The following SRR variants were observed in gnomAD, a reference collection of about 807,000 sequenced individuals.
The protein encoded by SRR is serine racemase.
Under a neutral mutation model 32.7 loss-of-function variants are expected in SRR, and 19 were observed. The observed-to-expected ratio is 0.58, with a 90% CI of 0.40 to 0.85. The LOEUF (loss-of-function observed/expected upper bound fraction) is 0.85. Among genes scored for constraint, SRR ranks in the 40% least tolerant of loss-of-function variants. The pLI is 0.00. For synonymous variants in SRR, 142 were observed against 140.9 expected (o/e 1.01, Z -0.06); for missense variants, 373 against 404.7 (o/e 0.92, Z 0.67).
At chr17:2,309,464 A>G (rs1490454269) in intron 1 of SRR, among the ~76,000 whole-genome samples, 1 of 151,390 alleles carries the variant, frequency 6.6e-6, no homozygotes, top group South Asian at 2.1e-4. Flanking sequence ...TTATTTTGCT[A>G]TTTTCCCCTC....
chr17:2,324,792 T>C lies in SRR; in HGVS notation c.*919T>C, dbSNP rs2075565197. On this transcript the variant is annotated 3_prime_UTR_variant, in exon 8 of 8. Transcript: ENST00000344595. ...TGATGACCATTCTGTCTGGATCTACTGACATAAGATGGCCTGTAGCAATGA... is the reference window on the plus strand; with the variant it reads ...TGATGACCATTCTGTCTGGATCTACCGACATAAGATGGCCTGTAGCAATGA... 4.3e-6 allele frequency: 7 copies of C among 1,614,108 alleles called. No individual in the cohort carries two copies. The highest frequency in any genetic ancestry group is 5.9e-6 in the Non-Finnish European group (7 of 1,180,012).
In SRR at chr17:2,317,855, A is replaced by G. The variant is rs762602158; in HGVS notation, c.169-15A>G. The G allele has an allele frequency of 1.2e-6, 2 of 1,607,518 alleles. No individual in the cohort carries two copies. Among genetic ancestry groups the G allele is most frequent in the Non-Finnish European group, 1.7e-6 (2 of 1,177,012 alleles). ...TTTTAATCAAATATGTGAATTCACC[A>G]TCCCTCTTTTTCAGATTCGTGGTGC... On this transcript the variant is annotated splice_polypyrimidine_tract_variant and intron_variant, in intron 2 of 7. Coordinates refer to ENST00000344595, the MANE Select transcript of SRR (RefSeq NM_021947.3).
chr17:2,317,202 CG>C (rs541008061), intron 2 of SRR, among the ~76,000 whole-genome samples: 2,904 of 82,392 alleles, frequency 0.035, 161 homozygotes, highest in South Asian at 0.15. Context: ...GACTCCATCT[CG>C]GGGGAAAAAA....
chr17:2,318,937 G>C lies in SRR; in HGVS notation c.399+8G>C, dbSNP rs1404530835. ...TGTGAACCTAGTGATGAGGTAAGGA[G>C]AGCAGTGCTTGGTACCACCTTAACA... On this transcript the variant is annotated splice_region_variant and intron_variant, in intron 4 of 7. Coordinates refer to ENST00000344595, the MANE Select transcript of SRR (RefSeq NM_021947.3). 4 of 1,589,368 alleles carry C rather than the reference G, an allele frequency of 2.5e-6. No homozygotes were observed. Among genetic ancestry groups the C allele is most frequent in the Non-Finnish European group, 3.5e-6 (4 of 1,157,720 alleles).
chr17:2,323,041 A>C, intron 6 of SRR, 95 bp from the exon 7 acceptor site: 8 of 1,289,992 alleles, frequency 6.2e-6, no homozygotes, highest in Non-Finnish European at 8.9e-6. Flanking sequence ...TTGGGATTAC[A>C]GGTGTGAGCC....
At position 2,325,005 on chromosome 17, in the gene SRR, G is replaced by C. The variant is rs1323113644; in HGVS notation, c.*1132G>C. ...CACTTAACCTTGTCAATAGGTTCTT[G>C]AAAACTTGTACTTCAAGAGAAATGA... On this transcript the variant is annotated 3_prime_UTR_variant, in exon 8 of 8. Transcript: ENST00000344595. The C allele has an allele frequency of 4.5e-6, 3 of 671,992 alleles. No individual in the cohort carries two copies. The highest frequency in any genetic ancestry group is 3.4e-5 in the Admixed American group (1 of 29,194). 41.6% of individuals were successfully genotyped at this position (671,992 alleles called of 1,614,324 possible). A position where few individuals can be genotyped will look rare whatever the true frequency, so the allele number is the denominator to read the frequency against.
intron 1 of SRR, among the ~76,000 whole-genome samples, chr17:2,305,257 GA>G (rs1205488692): frequency 2.0e-5 from 3 of 152,210 alleles, no homozygotes; most frequent in African/African-American, 4.8e-5. Context: ...GTTTCATATT[GA>G]AATTTGAGAG....
intron 1 of SRR, among the ~76,000 whole-genome samples, chr17:2,312,705 T>C (rs763550566): frequency 7.9e-5 from 12 of 152,224 alleles, no homozygotes; most frequent in Admixed American, 6.5e-5. Flanking sequence ...TACAAATTGA[T>C]GTAATATAGG....
Position 2,318,907 on chromosome 17 carries a change from T to G in SRR, c.377T>G (p.Val126Gly). The G allele has an allele frequency of 1.2e-6, 2 of 1,613,544 alleles. No homozygotes were observed. The highest frequency in any genetic ancestry group is 1.7e-6 in the Non-Finnish European group (2 of 1,179,528). The change falls in exon 4 of 8, where the codon GTA (valine) becomes GGA (glycine). Residue 126 changes from valine to glycine, a missense_variant. Transcript: ENST00000344595. The part of the protein sequence containing the change: ...LAIQAYGASI[V>G]YCEPSDESRE... ...ATACAAGCCTACGGAGCGTCAATTG[T>G]ATACTGTGAACCTAGTGATGAGGTA...
chr17:2,323,744 T>C lies in SRR; in HGVS notation c.894T>C (p.Phe298=). The change falls in exon 8 of 8, where the codon TTT becomes TTC. Residue 298 remains phenylalanine (F), a synonymous_variant. Transcript: ENST00000344595. ...TGGCTGCTGTGCTGTCTCAACATTT[T>C]CAAACTGTTTCCCCAGAAGTAAAGA... ...VGVAAVLSQH[F]QTVSPEVKNI... 6.2e-7 allele frequency: 1 copy of C among 1,614,214 alleles called. No individual in the cohort carries two copies. Among genetic ancestry groups the C allele is most frequent in the Non-Finnish European group, 8.5e-7 (1 of 1,180,032 alleles).
rs1191317953 is a variant in SRR at position 2,315,349 on chromosome 17, A to G, written c.-4-208A>G. 1.1e-5 allele frequency: 5 copies of G among 435,014 alleles called. No individual in the cohort carries two copies. In the East Asian group the frequency reaches 1.9e-4, roughly 17 times the overall value. The allele number at this position is 435,014 out of a possible 1,614,324, so 26.9% of individuals were successfully genotyped here. ...GCTTTAGCCTTCTGTAATCACCATC[A>G]GTTACTTCCCTCAAAGCTTCACCAG... On this transcript the variant is annotated intron_variant, in intron 1 of 7. Coordinates refer to ENST00000344595, the MANE Select transcript of SRR (RefSeq NM_021947.3).
At chr17:2,319,819 T>TTG (rs2075509480) in intron 4 of SRR, among the ~76,000 whole-genome samples, 1 of 103,872 alleles carries the variant, frequency 9.6e-6, no homozygotes, top group South Asian at 3.0e-4. Context: ...AACTTGTCTC[T>TTG]TCTTTTTTTT....
At chr17:2,317,176 A>T (rs942646970) in intron 2 of SRR, among the ~76,000 whole-genome samples, 2 of 138,678 alleles carry the variant, frequency 1.4e-5, no homozygotes, top group Non-Finnish European at 3.1e-5. Flanking sequence ...GCACTCCACC[A>T]TGGGTGATAG....
Position 2,323,949 on chromosome 17 carries a change from C to T in SRR, c.*76C>T. The T allele has an allele frequency of 7.4e-7, 1 of 1,351,592 alleles. No homozygotes were observed. The highest frequency in any genetic ancestry group is 2.3e-5 in the East Asian group (1 of 42,680). The allele number at this position is 1,351,592 out of a possible 1,614,324, so 83.7% of individuals were successfully genotyped here. A position where few individuals can be genotyped will look rare whatever the true frequency, so the allele number is the denominator to read the frequency against. On this transcript the variant is annotated 3_prime_UTR_variant, in exon 8 of 8. Transcript: ENST00000344595. ...ATTTTGTTTCCTAGTATTGTCAACT[C>T]TTAGTTATCAGATTCTTAATGGAGA...
At chr17:2,318,619 A>ATTTTTTTTTTTTTT in intron 3 of SRR, among the ~76,000 whole-genome samples, 1 of 92,550 alleles carries the variant, frequency 1.1e-5, no homozygotes, top group Non-Finnish European at 2.0e-5. Flanking sequence ...ATGCCTGGCT[A>ATTTTTTTTTTTTTT]TTTTTTTTTT....
At chr17:2,307,736 G>C in intron 1 of SRR, 3 of 978,658 alleles carry the variant, frequency 3.1e-6, no homozygotes, top group Non-Finnish European at 4.8e-6. Context: ...ACAAAGCTTA[G>C]CATGAGAGGA....
At chr17:2,308,092 A>G (rs1299499951) in intron 1 of SRR, among the ~76,000 whole-genome samples, 1 of 151,536 alleles carries the variant, frequency 6.6e-6, no homozygotes, top group Non-Finnish European at 1.5e-5. Context: ...TAAATAATTC[A>G]TGGGTCAAAA....
chr17:2,323,016 C>T (rs1181083815), intron 6 of SRR, 120 bp from the exon 7 acceptor site: 16 of 1,009,568 alleles, frequency 1.6e-5, no homozygotes, highest in African/African-American at 3.2e-5. Context: ...CCACCCGCCT[C>T]GGGCTCCCAA....
At chr17:2,307,891 A>T (rs1175754341) in intron 1 of SRR, among the ~76,000 whole-genome samples, 1 of 152,152 alleles carries the variant, frequency 6.6e-6, no homozygotes, top group Non-Finnish European at 1.5e-5. Context: ...CGAAGACTGT[A>T]TTTGTGACTA....
Sources: allele counts gnomAD v4.1 joint callset (sites outside exome capture counted in the v4.1 genomes callset), GRCh38; gene constraint gnomAD v4.1.1; transcripts MANE v1.5; gene names NCBI Gene and HGNC (gene_info 2026-07-23, HGNC 2026-07-21).